The following VAV3 variants were observed in gnomAD, a reference collection of about 807,000 sequenced individuals.
VAV3 encodes guanine nucleotide exchange factor VAV3.
Under a neutral mutation model 131.2 loss-of-function variants are expected in VAV3, and 94 were observed. The ratio of observed to expected loss-of-function variants is 0.72; its 90% CI spans 0.61 to 0.85. The LOEUF (loss-of-function observed/expected upper bound fraction) is 0.85, where lower values mean the gene tolerates loss of function less well. Among genes scored for constraint, VAV3 ranks in the 40% least tolerant of loss-of-function variants. The pLI is 0.00. For synonymous variants in VAV3, 349 were observed against 342.0 expected (o/e 1.02, Z -0.22); for missense variants, 939 against 1,002.7 (o/e 0.94, Z 0.86).
chr1:107,763,294 G>T (rs1053822789), intron 9 of VAV3, among the ~76,000 whole-genome samples: 1 of 152,104 alleles, frequency 6.6e-6, no homozygotes, highest in Non-Finnish European at 1.5e-5. Context: ...TCCCTAAGTC[G>T]AGCATTGACT....
rs55821232 is a variant in VAV3 at position 107,783,892 on chromosome 1, CAA to C, written c.322-4402_322-4401del. Among the ~76,000 whole-genome samples the C allele has an allele frequency of 2.9e-3, 309 of 107,904 alleles. No homozygotes were observed. In the East Asian group the frequency reaches 0.032, roughly 11 times the overall value. The allele number at this position is 107,904 out of a possible 152,430, so 70.8% of individuals were successfully genotyped here. A position where few individuals can be genotyped will look rare whatever the true frequency, so the allele number is the denominator to read the frequency against. ...TGAAACCCTATCTCTACTAAAAATA[CAA>C]AAAAAAAAAAAAAAAATTAGCCAGG... On this transcript the variant is annotated intron_variant, in intron 2 of 26. Transcript: ENST00000370056.
chr1:107,897,435 G>C (rs1557909585), intron 1 of VAV3: 1 of 151,798 alleles, frequency 6.6e-6, no homozygotes, highest in Non-Finnish European at 1.5e-5. Context: ...GGAGCAACAG[G>C]GGAGGGAACA....
intron 1 of VAV3, among the ~76,000 whole-genome samples, chr1:107,946,631 A>G (rs1674276011): frequency 6.6e-6 from 1 of 152,244 alleles, no homozygotes; most frequent in Admixed American, 6.5e-5. Flanking sequence ...GCTATCCATA[A>G]AAGAGAAGGA....
At chr1:107,862,761 A>G (rs576499943) in intron 2 of VAV3, 1 of 147,366 alleles carries the variant, frequency 6.8e-6, no homozygotes, top group African/African-American at 2.4e-5. Context: ...AAGGCTAGGA[A>G]TTAGAATACG....
At chr1:107,765,003 C>A (rs916209402) in intron 9 of VAV3, 73 bp downstream of exon 9, 2 of 959,416 alleles carry the variant, frequency 2.1e-6, no homozygotes, top group Non-Finnish European at 3.3e-6. Flanking sequence ...TACTGCTTCA[C>A]TGATCATAAA....
At chr1:107,661,234 C>T (rs1424716574) in intron 19 of VAV3, among the ~76,000 whole-genome samples, 2 of 152,070 alleles carry the variant, frequency 1.3e-5, no homozygotes, top group Non-Finnish European at 2.9e-5. Flanking sequence ...AGCTCAGTCC[C>T]CACCAGCCTC....
At chr1:107,721,618 T>C (rs1258798773) in intron 15 of VAV3, among the ~76,000 whole-genome samples, 15 of 151,908 alleles carry the variant, frequency 9.9e-5, no homozygotes, top group Non-Finnish European at 1.2e-4. Context: ...AGCAGATGGG[T>C]AGAAACAGGC....
intron 2 of VAV3, among the ~76,000 whole-genome samples, chr1:107,827,841 A>T (rs971890343): frequency 6.6e-6 from 1 of 152,238 alleles, no homozygotes; most frequent in Non-Finnish European, 1.5e-5. Context: ...ATCAAAATTC[A>T]AATGGGAGCT....
At chr1:107,808,060 G>A (rs1255023026) in intron 2 of VAV3, among the ~76,000 whole-genome samples, 1 of 152,084 alleles carries the variant, frequency 6.6e-6, no homozygotes, top group African/African-American at 2.4e-5. Context: ...CCAAATTCTT[G>A]CATAGAAACG....
At chr1:107,789,556 A>G (rs148529482) in intron 2 of VAV3, among the ~76,000 whole-genome samples, 272 of 152,352 alleles carry the variant, frequency 1.8e-3, no homozygotes, top group African/African-American at 6.3e-3. Context: ...TGGTTTGGTA[A>G]CAGTGGTCAT....
chr1:107,873,345 T>G (rs1203109056), intron 2 of VAV3, among the ~76,000 whole-genome samples: 1 of 152,134 alleles, frequency 6.6e-6, no homozygotes, highest in Non-Finnish European at 1.5e-5. Context: ...CAAACTTAAA[T>G]GAAAAATAAA....
At chr1:107,618,613 T>G (rs1472049071) in intron 20 of VAV3, among the ~76,000 whole-genome samples, 3 of 152,308 alleles carry the variant, frequency 2.0e-5, no homozygotes, top group Non-Finnish European at 4.4e-5. Flanking sequence ...AGTGTTTTAT[T>G]TAATCCTTGC....
At position 107,702,884 on chromosome 1, in the gene VAV3, C is replaced by G. The variant is rs78697470; in HGVS notation, c.1705+1666G>C. 7.6e-3 allele frequency among the ~76,000 whole-genome samples: 1,157 copies of G among 151,746 alleles called. 15 individuals are homozygous for G. The highest frequency in any genetic ancestry group is 0.027 in the African/African-American group (1,102 of 41,426). On this transcript the variant is annotated intron_variant, in intron 17 of 26. Coordinates refer to ENST00000370056, the MANE Select transcript of VAV3 (RefSeq NM_006113.5). ...TTTGCTCAGGTACTGTGGTAAGAAT[C>G]AACATTATCTCACTGTATCCTCATA... is the stretch of plus-strand genomic sequence containing the variant.
chr1:107,945,817 C>T (rs1312280061), intron 1 of VAV3, among the ~76,000 whole-genome samples: 11 of 78,356 alleles, frequency 1.4e-4, no homozygotes, highest in South Asian at 6.2e-4. Context: ...AGCAAAACTC[C>T]GACTCAAAAA....
intron 2 of VAV3, among the ~76,000 whole-genome samples, chr1:107,860,714 T>G (rs1669698929): frequency 6.6e-6 from 1 of 151,608 alleles, no homozygotes; most frequent in East Asian, 1.9e-4. Context: ...AAGAAAGAAC[T>G]GAGGAGACGA....
intron 19 of VAV3, among the ~76,000 whole-genome samples, chr1:107,647,526 A>G (rs1449349303): frequency 2.0e-5 from 3 of 151,986 alleles, no homozygotes; most frequent in South Asian, 2.1e-4. Context: ...TGAGATAACA[A>G]TACAACTGGG....
At chr1:107,891,921 C>T (rs911395456) in intron 1 of VAV3, among the ~76,000 whole-genome samples, 1 of 146,954 alleles carries the variant, frequency 6.8e-6, no homozygotes, top group African/African-American at 2.5e-5. Flanking sequence ...GCTAGGTAAA[C>T]TTGAAAGGTA....
intron 20 of VAV3, among the ~76,000 whole-genome samples, chr1:107,633,926 C>G (rs1654706430): frequency 1.3e-5 from 2 of 152,000 alleles, no homozygotes; most frequent in South Asian, 4.1e-4. Context: ...CCACCCCAAC[C>G]ATCAACTGAA....
intron 2 of VAV3, among the ~76,000 whole-genome samples, chr1:107,790,828 C>T (rs1314072956): frequency 6.6e-6 from 1 of 151,810 alleles, no homozygotes; most frequent in African/African-American, 2.4e-5. Context: ...ACTTGGATTA[C>T]AGGCACCTGC....
Sources: allele counts gnomAD v4.1 joint callset (sites outside exome capture counted in the v4.1 genomes callset), GRCh38; gene constraint gnomAD v4.1.1; transcripts MANE v1.5; gene names NCBI Gene and HGNC (gene_info 2026-07-23, HGNC 2026-07-21).